Variants in LRTM3 observed in about 807,000 individuals in gnomAD.
LRTM3 encodes the protein leucine-rich repeat transmembrane protein 3.
At chr13:102,731,829 G>T in the LRTM3 span, 1 of 1,549,456 alleles carries the variant, frequency 6.5e-7, no homozygotes, top group Non-Finnish European at 8.7e-7. Context: ...CTTTGCTTGG[G>T]TAACTTTGGA....
the LRTM3 span, chr13:102,738,693 A>T: frequency 3.8e-5 from 59 of 1,550,580 alleles, no homozygotes; most frequent in Non-Finnish European, 5.1e-5. Flanking sequence ...TTTGGTTGTG[A>T]AAAAGAGGAT....
chr13:102,753,531 A>C, the LRTM3 span, among the ~76,000 whole-genome samples: 1 of 151,870 alleles, frequency 6.6e-6, no homozygotes, highest in South Asian at 2.1e-4. Flanking sequence ...AAAAGAAAAG[A>C]GCATGTGAGG....
chr13:102,732,584 T>G, the LRTM3 span: 2 of 1,551,242 alleles, frequency 1.3e-6, no homozygotes, highest in Non-Finnish European at 1.7e-6. Context: ...TTCTTTTTTC[T>G]GCTTTTGCAT....
At chr13:102,747,713 C>T in the LRTM3 span, 5 of 1,551,002 alleles carry the variant, frequency 3.2e-6, no homozygotes, top group Non-Finnish European at 4.4e-6. Flanking sequence ...GGCACTCTCT[C>T]TGTCTGTAGG....
the LRTM3 span, chr13:102,749,370 C>T: frequency 6.4e-6 from 10 of 1,551,362 alleles, no homozygotes; most frequent in Non-Finnish European, 7.8e-6. Flanking sequence ...TGTGCTTTTA[C>T]ACTCCTTAGT....
At chr13:102,735,492 C>G in the LRTM3 span, 1 of 1,551,218 alleles carries the variant, frequency 6.4e-7, no homozygotes, top group Non-Finnish European at 8.7e-7. Flanking sequence ...CTTGGCAGTC[C>G]TTTAACTTGT....
the LRTM3 span, chr13:102,738,901 A>T: frequency 1.3e-6 from 2 of 1,550,570 alleles, no homozygotes; most frequent in Admixed American, 3.9e-5. Flanking sequence ...TTCTTTTGGA[A>T]TGCATGATTT....
chr13:102,745,488 A>G, the LRTM3 span: 2 of 1,550,960 alleles, frequency 1.3e-6, no homozygotes, highest in Non-Finnish European at 1.7e-6. Context: ...GTCAAGTTAC[A>G]GCTCAGTTCT....
chr13:102,730,432 A>G, the LRTM3 span: 1 of 1,551,116 alleles, frequency 6.4e-7, no homozygotes, highest in Non-Finnish European at 8.7e-7. Flanking sequence ...AAACAGCTGA[A>G]CCAGTAGCAT....
chr13:102,731,345 A>G, the LRTM3 span: 8 of 1,551,424 alleles, frequency 5.2e-6, no homozygotes, highest in South Asian at 8.3e-5. Flanking sequence ...ATCTTTTGAA[A>G]TAGTCCCTTT....
At chr13:102,744,018 T>A in the LRTM3 span, 1 of 1,550,394 alleles carries the variant, frequency 6.4e-7, no homozygotes. Flanking sequence ...GCTGCTGTAT[T>A]GTATAAGAGT....
chr13:102,748,722 T>A, the LRTM3 span: 8 of 1,549,870 alleles, frequency 5.2e-6, no homozygotes, highest in South Asian at 9.5e-5. Context: ...GCTTGTGTAA[T>A]TGAGTCTTTA....
the LRTM3 span, chr13:102,732,267 T>C: frequency 1.3e-6 from 2 of 1,551,398 alleles, no homozygotes; most frequent in East Asian, 2.4e-5. Context: ...AGACTTCTGA[T>C]AAATATTCCT....
At chr13:102,740,876 A>G in the LRTM3 span, 14 of 1,549,914 alleles carry the variant, frequency 9.0e-6, no homozygotes, top group African/African-American at 1.9e-4. Context: ...TACGTCCATT[A>G]AAGAGTGAGA....
chr13:102,730,221 T>C, the LRTM3 span: 2 of 1,551,390 alleles, frequency 1.3e-6, no homozygotes, highest in Non-Finnish European at 1.7e-6. Context: ...GTCGTGATTT[T>C]GTAGACATTT....
the LRTM3 span, chr13:102,747,988 C>CT: frequency 6.4e-7 from 1 of 1,551,020 alleles, no homozygotes; most frequent in Admixed American, 2.0e-5. Context: ...ATTGTTGTGG[C>CT]TTTTTAAATG....
chr13:102,745,202 T>G, the LRTM3 span: 1 of 1,550,816 alleles, frequency 6.4e-7, no homozygotes, highest in Non-Finnish European at 8.7e-7. Flanking sequence ...CATGAAATGT[T>G]GCAGGTGCTG....
the LRTM3 span, chr13:102,758,735 T>A: frequency 6.4e-7 from 1 of 1,550,502 alleles, no homozygotes; most frequent in Non-Finnish European, 8.7e-7. Flanking sequence ...TTTCAGGAAG[T>A]GTGGGCTTCT....
the LRTM3 span, among the ~76,000 whole-genome samples, chr13:102,755,950 T>C: frequency 7.5e-5 from 4 of 53,188 alleles, no homozygotes; most frequent in African/African-American, 1.1e-4. Context: ...TACATATATA[T>C]ATATATATAT....
Sources: allele counts gnomAD v4.1 joint callset (sites outside exome capture counted in the v4.1 genomes callset), GRCh38; gene constraint gnomAD v4.1.1; transcripts MANE v1.5; gene names NCBI Gene and HGNC (gene_info 2026-07-23, HGNC 2026-07-21).